ANTXR1: variants seen among roughly 807,000 people sequenced by gnomAD.
The protein encoded by ANTXR1 is anthrax toxin receptor 1.
A neutral mutation model predicts 78.1 loss-of-function variants in ANTXR1; 19 were observed. That is an observed-to-expected ratio of 0.24 (90% CI 0.17 to 0.36). The LOEUF (loss-of-function observed/expected upper bound fraction) is 0.36, where lower values mean the gene tolerates loss of function less well. ANTXR1 is among the 10% of genes least tolerant of loss of function. The pLI is 1.00. For missense variants in ANTXR1, 518 were observed against 718.6 expected (o/e 0.72, Z 3.19); for synonymous variants, 273 against 260.5 (o/e 1.05, Z -0.46).
intron 13 of ANTXR1, among the ~76,000 whole-genome samples, chr2:69,157,380 C>T (rs1296224770): frequency 1.3e-5 from 2 of 152,236 alleles, no homozygotes; most frequent in Middle Eastern, 3.4e-3. Context: ...ATGTGTTTAC[C>T]CATCACTGGC....
chr2:69,121,022 C>G (rs1447859990), intron 10 of ANTXR1, among the ~76,000 whole-genome samples: 2 of 152,154 alleles, frequency 1.3e-5, no homozygotes, highest in Non-Finnish European at 2.9e-5. Flanking sequence ...TTTGCAGTGC[C>G]TCCCCCTCTC....
At chr2:69,107,207 G>A (rs937789587) in intron 10 of ANTXR1, among the ~76,000 whole-genome samples, 1 of 151,992 alleles carries the variant, frequency 6.6e-6, no homozygotes, top group African/African-American at 2.4e-5. Flanking sequence ...GATATGTACT[G>A]TTCCAGAGGA....
At chr2:69,095,382 G>C (rs187788272) in intron 9 of ANTXR1, among the ~76,000 whole-genome samples, 3 of 152,336 alleles carry the variant, frequency 2.0e-5, no homozygotes, top group African/African-American at 7.2e-5. Flanking sequence ...CTGGGAGATA[G>C]TCATATGTTC....
chr2:69,219,658 TTAAG>T (rs1436387509), intron 17 of ANTXR1, among the ~76,000 whole-genome samples: 3 of 152,206 alleles, frequency 2.0e-5, no homozygotes, highest in Non-Finnish European at 2.9e-5. Flanking sequence ...GCAGTACTTA[TTAAG>T]TGTTATGTTA....
chr2:69,036,667 A>G (rs1669437535), intron 1 of ANTXR1, among the ~76,000 whole-genome samples: 1 of 151,996 alleles, frequency 6.6e-6, no homozygotes, highest in South Asian at 2.1e-4. Flanking sequence ...TGTATGGACC[A>G]AAACACAGCA....
At chr2:69,181,989 A>G in intron 15 of ANTXR1, 108 bp downstream of exon 15, 1 of 1,092,762 alleles carries the variant, frequency 9.2e-7, no homozygotes, top group Non-Finnish European at 1.4e-6. Flanking sequence ...TGCCCAGGGC[A>G]GTATGGCCGT....
chr2:69,120,931 G>A (rs971962448), intron 10 of ANTXR1, among the ~76,000 whole-genome samples: 3 of 152,158 alleles, frequency 2.0e-5, no homozygotes, highest in Admixed American at 2.0e-4. Flanking sequence ...TGGAGCCATT[G>A]TCTGTCTCAC....
intron 1 of ANTXR1, among the ~76,000 whole-genome samples, chr2:69,014,523 T>C (rs1486134557): frequency 6.6e-6 from 1 of 152,170 alleles, no homozygotes; most frequent in Non-Finnish European, 1.5e-5. Flanking sequence ...AAGGGAGAGC[T>C]GAATTCTGAC....
intron 8 of ANTXR1, chr2:69,090,627 A>G: frequency 1.7e-6 from 1 of 584,840 alleles, no homozygotes; most frequent in Non-Finnish European, 3.1e-6. Flanking sequence ...AAAAGAGCAA[A>G]TGAATGAATA....
chr2:69,239,501 G>A (rs1675847539), intron 17 of ANTXR1, among the ~76,000 whole-genome samples: 2 of 152,188 alleles, frequency 1.3e-5, no homozygotes, highest in Admixed American at 1.3e-4. Flanking sequence ...GAACCCAGGA[G>A]GCAGAGGTTG....
chr2:69,175,221 G>A (rs747743086), intron 14 of ANTXR1, among the ~76,000 whole-genome samples: 4 of 152,220 alleles, frequency 2.6e-5, no homozygotes, highest in African/African-American at 7.2e-5. Context: ...TGGCCCTAGT[G>A]TGTAGCTATT....
At position 69,073,029 on chromosome 2, in the gene ANTXR1, G is replaced by T. The variant is rs756008471; in HGVS notation, c.420G>T (p.Arg140Ser). The change falls in exon 6 of 18, where the codon AGG becomes AGT. Residue 140 changes from arginine to serine, a missense_variant. Arg to Ser is a moderately radical substitution (Grantham distance 110). Transcript: ENST00000303714. ...QIYYENRQGY[R>S]TASVIIALTD... ...CTGTATTGTGTTAAACAGGGTACAG[G>T]ACAGCCAGCGTCATCATTGCTTTGA... 1.2e-6 allele frequency: 2 copies of T among 1,613,932 alleles called. No homozygotes were observed. Among genetic ancestry groups the T allele is most frequent in the African/African-American group, 2.7e-5 (2 of 74,938 alleles).
At chr2:69,086,298 A>G (rs1671047180) in intron 8 of ANTXR1, among the ~76,000 whole-genome samples, 1 of 152,238 alleles carries the variant, frequency 6.6e-6, no homozygotes, top group African/African-American at 2.4e-5. Context: ...GAACTTCATG[A>G]CAAAGGACAT....
rs186044683 is a variant in ANTXR1, at chr2:69,193,014, T to C, written c.1354-321T>C. Among the ~76,000 whole-genome samples, 46 of 152,290 alleles carry C rather than the reference T, an allele frequency of 3.0e-4. 1 individual carries two copies. Among genetic ancestry groups the C allele is most frequent in the Admixed American group, 2.6e-3 (40 of 15,298 alleles). On this transcript the variant is annotated intron_variant, in intron 16 of 17. Transcript: ENST00000303714. ...GAAATTTGGAAAGATTGACTTGTGG[T>C]CTGAGGATATGCCCAGAAATGTGAT...
rs80020244 is a variant in ANTXR1 at position 69,162,024 on chromosome 2, A to G, written c.1048-8224A>G. Among the ~76,000 whole-genome samples, 395 of 138,418 alleles carry G rather than the reference A, an allele frequency of 2.9e-3. 6 individuals carry two copies. Among genetic ancestry groups the G allele is most frequent in the Middle Eastern group, 3.9e-3 (1 of 254 alleles). The allele number at this position is 138,418 out of a possible 152,430, so 90.8% of individuals were successfully genotyped here. ...CGTGCAGGAAGTCATCATTTGTGGAAAAAAAAAAATCCATTACTATTGACT... is the reference window on the plus strand; with the variant it reads ...CGTGCAGGAAGTCATCATTTGTGGAGAAAAAAAAATCCATTACTATTGACT... On this transcript the variant is annotated intron_variant, in intron 13 of 17. Coordinates refer to ENST00000303714, the MANE Select transcript of ANTXR1 (RefSeq NM_032208.3).
intron 8 of ANTXR1, among the ~76,000 whole-genome samples, chr2:69,087,038 A>G (rs1671073418): frequency 6.6e-6 from 1 of 152,230 alleles, no homozygotes; most frequent in Admixed American, 6.5e-5. Context: ...TTATTTAACC[A>G]TCATACAGCC....
chr2:69,222,483 TAGTC>T (rs1675343325), intron 17 of ANTXR1, among the ~76,000 whole-genome samples: 1 of 152,244 alleles, frequency 6.6e-6, no homozygotes, highest in South Asian at 2.1e-4. Flanking sequence ...AAGTTGTAGT[TAGTC>T]ATTCTCTGTA....
intron 9 of ANTXR1, among the ~76,000 whole-genome samples, chr2:69,093,214 A>G (rs993646516): frequency 4.6e-5 from 7 of 152,218 alleles, no homozygotes; most frequent in Non-Finnish European, 1.0e-4. Context: ...TGATTCATGT[A>G]TTCGTTAAAA....
chr2:69,172,530 C>G, intron 14 of ANTXR1: 1 of 1,414,488 alleles, frequency 7.1e-7, no homozygotes, highest in Non-Finnish European at 9.2e-7. Flanking sequence ...CAGTGTCTAA[C>G]ATTCAATAAA....
Sources: allele counts gnomAD v4.1 joint callset (sites outside exome capture counted in the v4.1 genomes callset), GRCh38; gene constraint gnomAD v4.1.1; transcripts MANE v1.5; gene names NCBI Gene and HGNC (gene_info 2026-07-23, HGNC 2026-07-21).